The following CRACD variants were observed in gnomAD, a reference collection of about 807,000 sequenced individuals.
CRACD encodes capping protein-inhibiting regulator of actin dynamics.
A neutral mutation model predicts 106.8 loss-of-function variants in CRACD; 56 were observed. That is an observed-to-expected ratio of 0.52 (90% confidence interval 0.42 to 0.66). The LOEUF is 0.66. Ranked by LOEUF, CRACD falls within the 30% of genes least tolerant of loss-of-function variation. The probability of loss-of-function intolerance (pLI) is 0.00; values close to 1 mark genes in which losing one functional copy is unlikely to be tolerated. For missense variants in CRACD, 1,730 were observed against 1,623.2 expected, an observed-to-expected ratio of 1.07 and a Z score of -1.13; for synonymous variants, 754 against 670.8, an observed-to-expected ratio of 1.12 and a Z score of -1.92.
chr4:56,233,632 G>A (rs890233629), intron 2 of CRACD, among the ~76,000 whole-genome samples: 1 of 152,130 alleles, frequency 6.6e-6, no homozygotes, highest in South Asian at 2.1e-4. Context: ...AAGTCAGATA[G>A]TGTTATTTCT....
chr4:56,272,082 G>A (rs193166751), intron 2 of CRACD, among the ~76,000 whole-genome samples: 131 of 152,294 alleles, frequency 8.6e-4, no homozygotes, highest in African/African-American at 3.0e-3. Flanking sequence ...GATGTTTCTT[G>A]GGAGCCTGGG....
chr4:56,188,657 ATTTCTC>A (rs1737198054), intron 2 of CRACD, among the ~76,000 whole-genome samples: 1 of 66,836 alleles, frequency 1.5e-5, no homozygotes, highest in Non-Finnish European at 3.2e-5. Flanking sequence ...CTATCTCTCT[ATTTCTC>A]TCTCTCTCTC....
chr4:56,061,176 T>C lies in CRACD; in HGVS notation c.-336+11877T>C, dbSNP rs1436085151. ...TTTCTGAGCATCAAATCTCTCTCAC[T>C]CTCTCTTTTTTTGAGGCAAGGTCTT... On this transcript the variant is annotated intron_variant, in intron 1 of 10. Transcript: ENST00000682029. 2.6e-5 allele frequency among the ~76,000 whole-genome samples: 4 copies of C among 152,086 alleles called. No individual in the cohort carries two copies. The East Asian group carries it at 7.7e-4, about 29-fold the overall frequency.
chr4:56,296,924 T>C (rs2014466), intron 3 of CRACD, among the ~76,000 whole-genome samples: 12,950 of 137,564 alleles, frequency 0.094, 606 homozygotes, highest in East Asian at 0.16. Context: ...TTGTTTGTTT[T>C]TTTTTTTTTT....
intron 1 of CRACD, among the ~76,000 whole-genome samples, chr4:56,132,111 C>G (rs968639179): frequency 1.3e-5 from 2 of 152,090 alleles, no homozygotes; most frequent in Non-Finnish European, 2.9e-5. Flanking sequence ...GTGGTGCAAC[C>G]ACAGCTCCTG....
At chr4:56,134,704 A>G (rs1734940366) in intron 1 of CRACD, among the ~76,000 whole-genome samples, 1 of 152,200 alleles carries the variant, frequency 6.6e-6, no homozygotes, top group Non-Finnish European at 1.5e-5. Context: ...ATTATAGGCA[A>G]AGCCAGGAAT....
chr4:56,178,493 T>C (rs1041138953), intron 1 of CRACD, among the ~76,000 whole-genome samples: 2 of 152,224 alleles, frequency 1.3e-5, no homozygotes, highest in African/African-American at 4.8e-5. Flanking sequence ...TAAACAGATT[T>C]TAAAAATAAC....
At chr4:56,215,185 A>AT (rs1738615966) in intron 2 of CRACD, among the ~76,000 whole-genome samples, 1 of 152,018 alleles carries the variant, frequency 6.6e-6, no homozygotes, top group Non-Finnish European at 1.5e-5. Context: ...AATTTTTTTA[A>AT]TTTTTAAATG....
rs1746236618 is a variant in CRACD, at chr4:56,323,489, T to C, written c.3300T>C (p.Phe1100=). The C allele has an allele frequency of 1.9e-6, 3 of 1,609,114 alleles. No individual in the cohort carries two copies. The highest frequency in any genetic ancestry group is 1.7e-5 in the Admixed American group (1 of 58,432). Residue 1100 remains phenylalanine (F), a synonymous_variant, in exon 9 of 11, where the codon TTT becomes TTC. Coordinates refer to ENST00000682029, the MANE Select transcript of CRACD (RefSeq NM_001393381.1). ...ITLALQKQKG[F]REQQATREER... is the part of the protein sequence containing the mutation. The stretch of plus-strand genomic sequence containing the variant: ...TAGCACTGCAAAAGCAAAAGGGGTT[T>C]CGGGAGCAGCAGGCGACGCGGGAGG...
intron 1 of CRACD, among the ~76,000 whole-genome samples, chr4:56,099,822 A>G (rs1319730767): frequency 1.3e-5 from 2 of 152,196 alleles, no homozygotes; most frequent in Admixed American, 6.5e-5. Context: ...AGCAGACACC[A>G]TTGAAATAAT....
chr4:56,299,964 C>T (rs1744271601), intron 4 of CRACD, among the ~76,000 whole-genome samples: 1 of 151,974 alleles, frequency 6.6e-6, no homozygotes, highest in South Asian at 2.1e-4. Context: ...CAGTGAAACC[C>T]CGTCTCTACT....
At chr4:56,237,501 T>C (rs1214576233) in intron 2 of CRACD, among the ~76,000 whole-genome samples, 2 of 152,152 alleles carry the variant, frequency 1.3e-5, no homozygotes, top group Non-Finnish European at 2.9e-5. Context: ...CACTAGCTTG[T>C]CAGTAAATGC....
At chr4:56,239,193 T>C (rs921263647) in intron 2 of CRACD, among the ~76,000 whole-genome samples, 1 of 152,032 alleles carries the variant, frequency 6.6e-6, no homozygotes, top group Non-Finnish European at 1.5e-5. Flanking sequence ...CTCAGGAGGC[T>C]GAGGCAGGAG....
intron 7 of CRACD, 56 bp from the exon 8 acceptor site, chr4:56,313,984 A>C (rs561418187): frequency 1.1e-4 from 167 of 1,558,776 alleles, no homozygotes; most frequent in Middle Eastern, 3.5e-4. Context: ...TAGGAAAAGG[A>C]ACGACTGTGG....
intron 1 of CRACD, among the ~76,000 whole-genome samples, chr4:56,151,867 G>C (rs770660880): frequency 1.3e-5 from 2 of 152,052 alleles, no homozygotes; most frequent in African/African-American, 4.8e-5. Context: ...ATTTTCCCAG[G>C]AATCTCACAG....
chr4:56,227,770 G>C (rs75385245), intron 2 of CRACD, among the ~76,000 whole-genome samples: 2 of 152,316 alleles, frequency 1.3e-5, no homozygotes, highest in East Asian at 3.9e-4. Flanking sequence ...TTTGAAATGA[G>C]TGCTCTTTCT....
At chr4:56,199,123 C>G (rs1471471) in intron 2 of CRACD, among the ~76,000 whole-genome samples, 2 of 152,104 alleles carry the variant, frequency 1.3e-5, no homozygotes, top group Non-Finnish European at 2.9e-5. Flanking sequence ...TTGCCTGATA[C>G]ATATGTGTCA....
At chr4:56,155,733 G>A (rs1345558180) in intron 1 of CRACD, among the ~76,000 whole-genome samples, 1 of 152,172 alleles carries the variant, frequency 6.6e-6, no homozygotes, top group Non-Finnish European at 1.5e-5. Context: ...CATGCTTTCT[G>A]AGGAGAGCAG....
intron 4 of CRACD, among the ~76,000 whole-genome samples, chr4:56,299,106 T>G (rs1744218175): frequency 6.6e-6 from 1 of 152,136 alleles, no homozygotes; most frequent in African/African-American, 2.4e-5. Flanking sequence ...ACGACTCTAT[T>G]TTTCTGTTGT....
Sources: gnomAD v4.1 joint callset for allele counts (sites outside exome capture counted in the v4.1 genomes callset) on GRCh38, gnomAD v4.1.1 for gene constraint, MANE v1.5 for transcripts, NCBI Gene and HGNC (gene_info 2026-07-23, HGNC 2026-07-21) for gene names.